The following MYO9A variants were observed in gnomAD, a reference collection of about 807,000 sequenced individuals.
MYO9A encodes myosin IXA.
MYO9A carries 103 observed loss-of-function variants against 293.3 expected under a neutral mutation model. That is an observed-to-expected ratio of 0.35 (90% confidence interval 0.30 to 0.41). The LOEUF (loss-of-function observed/expected upper bound fraction) is 0.41. Among genes scored for constraint, MYO9A ranks in the 10% least tolerant of loss-of-function variants. The probability of loss-of-function intolerance (pLI) is 1.00; values close to 1 mark genes in which losing one functional copy is unlikely to be tolerated. For synonymous variants in MYO9A, 1,001 were observed against 1,035.7 expected, an observed-to-expected ratio of 0.97 and a Z score of 0.64; for missense variants, 2,685 against 3,033.0, an observed-to-expected ratio of 0.89 and a Z score of 2.69.
intron 18 of MYO9A, among the ~76,000 whole-genome samples, chr15:71,922,779 G>A (rs983171401): frequency 6.6e-6 from 1 of 152,138 alleles, no homozygotes; most frequent in Non-Finnish European, 1.5e-5. Flanking sequence ...GAGCAAATAT[G>A]TACAAATATC....
intron 1 of MYO9A, among the ~76,000 whole-genome samples, chr15:72,056,888 T>A (rs1369049573): frequency 6.6e-6 from 1 of 152,032 alleles, no homozygotes; most frequent in Non-Finnish European, 1.5e-5. Context: ...GGCGGGCGGA[T>A]CACCTGAGGT....
chr15:72,069,982 T>C, intron 1 of MYO9A, among the ~76,000 whole-genome samples: 1 of 150,872 alleles, frequency 6.6e-6, no homozygotes, highest in African/African-American at 2.4e-5. Context: ...AAAAATTAGC[T>C]GGGCATGGTG....
At chr15:71,967,837 G>T in intron 13 of MYO9A, 147 bp downstream of exon 13, 1 of 773,618 alleles carries the variant, frequency 1.3e-6, no homozygotes, top group Non-Finnish European at 1.9e-6. Context: ...CTGAAAAGCA[G>T]AATCTAAGTT....
At position 72,032,551 on chromosome 15, in the gene MYO9A, G is replaced by T; in HGVS notation, c.878C>A (p.Ser293Ter). The change falls in exon 3 of 42, where the codon TCA (serine) becomes TAA (stop). Residue 293 changes from serine to a stop codon, truncating the protein, a stop_gained. Coordinates refer to ENST00000356056, the MANE Select transcript of MYO9A (RefSeq NM_006901.4). LOFTEE classifies it high-confidence loss of function. Reference protein sequence around the residue: ...GNAKTAHNNNSSRFGKFIQVN... With the variant: ...GNAKTAHNNN Reference sequence around the variant, plus strand: ...TTGAATAAACTTCCCAAAACGACTTGAATTGTTATTATGAGCTGTCTTTGC... The same window carrying T: ...TTGAATAAACTTCCCAAAACGACTTTAATTGTTATTATGAGCTGTCTTTGC... The T allele has an allele frequency of 6.2e-7, 1 of 1,608,750 alleles. No individual in the cohort carries two copies. Among genetic ancestry groups the T allele is most frequent in the Non-Finnish European group, 8.5e-7 (1 of 1,177,808 alleles).
chr15:71,870,886 T>C (rs2056489903), intron 32 of MYO9A, among the ~76,000 whole-genome samples: 1 of 152,192 alleles, frequency 6.6e-6, no homozygotes, highest in South Asian at 2.1e-4. Flanking sequence ...CCCATGGATG[T>C]GCTGGGCCAA....
intron 18 of MYO9A, among the ~76,000 whole-genome samples, chr15:71,917,743 T>C (rs1345964862): frequency 6.6e-6 from 1 of 152,092 alleles, no homozygotes; most frequent in East Asian, 1.9e-4. Flanking sequence ...GAAAAGAATA[T>C]ATCTATACAG....
In MYO9A at chr15:71,825,244, T is replaced by G. The variant is rs947854910; in HGVS notation, c.*1336A>C. The stretch of plus-strand genomic sequence containing the variant: ...GTGGTGAAAATGATGTCTTACTAAT[T>G]CCCTCAACCCAGGGACGAATGGCTC... On this transcript the variant is annotated 3_prime_UTR_variant, in exon 42 of 42. Coordinates refer to ENST00000356056, the MANE Select transcript of MYO9A (RefSeq NM_006901.4). The G allele has an allele frequency of 1.3e-5, 2 of 152,184 alleles. No homozygotes were observed. The highest frequency in any genetic ancestry group is 4.8e-5 in the African/African-American group (2 of 41,446). 9.4% of individuals were successfully genotyped at this position (152,184 alleles called of 1,614,324 possible).
chr15:71,991,140 T>A lies in MYO9A; in HGVS notation c.1685A>T (p.Gln562Leu), dbSNP rs764833883. The A allele has an allele frequency of 2.5e-6, 4 of 1,608,672 alleles. No individual in the cohort carries two copies. The highest frequency in any genetic ancestry group is 3.4e-6 in the Non-Finnish European group (4 of 1,177,920). Residue 562 changes from glutamine (Q) to leucine (L), a missense_variant, in exon 11 of 42, where the codon CAG (glutamine) becomes CTG (leucine). Coordinates refer to ENST00000356056, the MANE Select transcript of MYO9A (RefSeq NM_006901.4). ...FCINFANERL[Q>L]HYFNQHIFKL... ...AAAGATATGCTGATTAAAGTAGTGC[T>A]GTAAACGTTCATTAGCAAAATTAAT...
At chr15:72,045,583 G>T in intron 2 of MYO9A, 141 bp downstream of exon 2, 1 of 1,008,808 alleles carries the variant, frequency 9.9e-7, no homozygotes, top group Non-Finnish European at 1.4e-6. Flanking sequence ...AGTTTTTGGA[G>T]CTGGGAGATG....
chr15:72,055,317 C>T (rs1245990425), intron 1 of MYO9A, among the ~76,000 whole-genome samples: 1 of 152,064 alleles, frequency 6.6e-6, no homozygotes, highest in Non-Finnish European at 1.5e-5. Flanking sequence ...TCACCTTATA[C>T]AAAAATCAAC....
chr15:72,037,717 A>C (rs1445463016), intron 2 of MYO9A, among the ~76,000 whole-genome samples: 3 of 152,286 alleles, frequency 2.0e-5, no homozygotes, highest in East Asian at 3.9e-4. Flanking sequence ...GAAAACAACC[A>C]CAAACCTTGG....
At chr15:71,956,621 G>A (rs1330061767) in intron 14 of MYO9A, among the ~76,000 whole-genome samples, 1 of 150,110 alleles carries the variant, frequency 6.7e-6, no homozygotes, top group African/African-American at 2.4e-5. Flanking sequence ...ACTCCAGCCT[G>A]GGCGACAGAG....
upstream of MYO9A, chr15:72,118,294 T>C (rs2081083491): frequency 3.7e-6 from 1 of 268,384 alleles, no homozygotes; most frequent in Admixed American, 5.4e-5. Flanking sequence ...CCCAAATTTT[T>C]TCTTCTTCAC....
chr15:71,951,682 C>T (rs1489946080), intron 15 of MYO9A, 95 bp downstream of exon 15: 1 of 1,451,690 alleles, frequency 6.9e-7, no homozygotes, highest in Middle Eastern at 1.8e-4. Context: ...GCCATGTTGC[C>T]CATACAATCT....
At chr15:71,844,861 T>C (rs559237416) in intron 39 of MYO9A, among the ~76,000 whole-genome samples, 4 of 152,276 alleles carry the variant, frequency 2.6e-5, no homozygotes, top group African/African-American at 9.6e-5. Context: ...GAAAAAGACA[T>C]ATATTACCCT....
intron 25 of MYO9A, among the ~76,000 whole-genome samples, chr15:71,895,432 G>A (rs953337069): frequency 6.6e-6 from 1 of 152,146 alleles, no homozygotes; most frequent in African/African-American, 2.4e-5. Flanking sequence ...CACTAACCTA[G>A]TATTACTTTC....
intron 19 of MYO9A, among the ~76,000 whole-genome samples, chr15:71,908,146 T>C (rs2057722879): frequency 6.6e-6 from 1 of 152,214 alleles, no homozygotes; most frequent in Non-Finnish European, 1.5e-5. Context: ...GGGATCCAGT[T>C]TCAGCTTTCT....
chr15:72,086,758 G>GTTTT (rs10645219), intron 1 of MYO9A, among the ~76,000 whole-genome samples: 137,873 of 150,724 alleles, frequency 0.91, 63,382 homozygotes, highest in Non-Finnish European at 0.97. Context: ...TGTTTTTTTT[G>GTTTT]TTGTTTTTGT....
At chr15:71,940,182 G>C (rs1023348988) in intron 15 of MYO9A, among the ~76,000 whole-genome samples, 1 of 152,110 alleles carries the variant, frequency 6.6e-6, no homozygotes, top group African/African-American at 2.4e-5. Flanking sequence ...ACCCACAGAA[G>C]ACTCTTTGTG....
Sources: allele counts gnomAD v4.1 joint callset (sites outside exome capture counted in the v4.1 genomes callset), GRCh38; gene constraint gnomAD v4.1.1; transcripts MANE v1.5; gene names NCBI Gene and HGNC (gene_info 2026-07-23, HGNC 2026-07-21).